Variants in ZBTB20 observed in about 807,000 individuals in gnomAD.
ZBTB20 encodes zinc finger and BTB domain containing 20.
In ZBTB20, 9 loss-of-function variants were observed where a neutral mutation model predicts 56.9. That is an observed-to-expected ratio of 0.16 (90% CI 0.10 to 0.28). The LOEUF (loss-of-function observed/expected upper bound fraction) is 0.28, where lower values mean the gene tolerates loss of function less well. Among genes scored for constraint, ZBTB20 ranks in the 10% least tolerant of loss-of-function variants. ZBTB20 has a pLI of 1.00. For synonymous variants in ZBTB20, 417 were observed against 420.7 expected (o/e 0.99, Z 0.11); for missense variants, 655 against 1,003.0 (o/e 0.65, Z 4.69).
chr3:114,986,197 A>T (rs1188893491), intron 2 of ZBTB20, among the ~76,000 whole-genome samples: 1 of 152,078 alleles, frequency 6.6e-6, no homozygotes, highest in African/African-American at 2.4e-5. Context: ...GGGAAAACTG[A>T]ACCCCTCAGG....
At chr3:115,114,113 A>G (rs2083955684) in intron 1 of ZBTB20, among the ~76,000 whole-genome samples, 1 of 152,210 alleles carries the variant, frequency 6.6e-6, no homozygotes, top group Admixed American at 6.5e-5. Context: ...TCTGTTTATC[A>G]ACAATTTTAA....
intron 2 of ZBTB20, among the ~76,000 whole-genome samples, chr3:115,032,130 A>C (rs1290921643): frequency 6.6e-6 from 1 of 150,630 alleles, no homozygotes; most frequent in Admixed American, 6.6e-5. Context: ...CTTTAAAAAT[A>C]TTTTTTTTTC....
intron 6 of ZBTB20, among the ~76,000 whole-genome samples, chr3:114,691,584 T>G (rs2062700821): frequency 6.6e-6 from 1 of 152,034 alleles, no homozygotes. Flanking sequence ...GCATTTAGGT[T>G]AAATGAGCTA....
intron 6 of ZBTB20, among the ~76,000 whole-genome samples, chr3:114,629,702 T>C (rs1470223449): frequency 1.3e-5 from 2 of 152,146 alleles, no homozygotes; most frequent in African/African-American, 4.8e-5. Flanking sequence ...CCAAAGAATA[T>C]AGATTATTTT....
chr3:114,878,359 T>G (rs890324622), intron 4 of ZBTB20, among the ~76,000 whole-genome samples: 7 of 152,114 alleles, frequency 4.6e-5, no homozygotes, highest in Admixed American at 6.6e-5. Context: ...TTAATAGATT[T>G]TATTGAGACT....
chr3:114,661,225 C>T (rs192808193), intron 6 of ZBTB20, among the ~76,000 whole-genome samples: 59 of 152,068 alleles, frequency 3.9e-4, no homozygotes, highest in Non-Finnish European at 7.5e-4. Context: ...ACGAAAATGA[C>T]CCTGCCTAGT....
intron 5 of ZBTB20, among the ~76,000 whole-genome samples, chr3:114,707,095 A>G (rs2063765641): frequency 6.6e-6 from 1 of 152,114 alleles, no homozygotes; most frequent in African/African-American, 2.4e-5. Context: ...ACACACACAG[A>G]TGTTCCACCA....
chr3:114,848,565 T>C (rs1481436725), intron 4 of ZBTB20, among the ~76,000 whole-genome samples: 4 of 152,204 alleles, frequency 2.6e-5, no homozygotes, highest in Non-Finnish European at 4.4e-5. Flanking sequence ...TGCTTAAATT[T>C]TGTCTGATCA....
intron 2 of ZBTB20, among the ~76,000 whole-genome samples, chr3:114,978,665 C>CA (rs2078204998): frequency 7.7e-6 from 1 of 129,550 alleles, no homozygotes; most frequent in South Asian, 2.8e-4. Context: ...CTGTATGTAC[C>CA]AGGTGTGTGT....
intron 4 of ZBTB20, among the ~76,000 whole-genome samples, chr3:114,858,814 C>A (rs868200578): frequency 3.3e-5 from 5 of 152,062 alleles, no homozygotes; most frequent in Admixed American, 6.6e-5. Context: ...TTGTATTTTC[C>A]ATTTTTTAGT....
intron 7 of ZBTB20, among the ~76,000 whole-genome samples, chr3:114,426,743 A>ACCAG (rs1023680940): frequency 2.0e-5 from 3 of 152,192 alleles, no homozygotes; most frequent in Non-Finnish European, 4.4e-5. Context: ...CAAGATGATT[A>ACCAG]CCAGCCAACT....
chr3:114,721,166 G>A (rs1359182837), intron 5 of ZBTB20, among the ~76,000 whole-genome samples: 1 of 152,176 alleles, frequency 6.6e-6, no homozygotes, highest in Non-Finnish European at 1.5e-5. Context: ...CTTGAATAAT[G>A]GGCTGAGTAG....
intron 7 of ZBTB20, among the ~76,000 whole-genome samples, chr3:114,431,399 T>A (rs1440318006): frequency 6.6e-6 from 1 of 152,174 alleles, no homozygotes; most frequent in East Asian, 1.9e-4. Context: ...CTACATTACG[T>A]ATAAAAACGA....
At chr3:114,757,450 A>G (rs2068087669) in intron 5 of ZBTB20, among the ~76,000 whole-genome samples, 2 of 152,192 alleles carry the variant, frequency 1.3e-5, no homozygotes, top group Non-Finnish European at 2.9e-5. Context: ...CTCTGGTTCA[A>G]TTTTTGAGTC....
At chr3:114,357,403 A>G (rs1036118122) in intron 10 of ZBTB20, among the ~76,000 whole-genome samples, 1 of 152,214 alleles carries the variant, frequency 6.6e-6, no homozygotes, top group Non-Finnish European at 1.5e-5. Context: ...CTAGACAAAG[A>G]TTAAAAATTA....
intron 1 of ZBTB20, among the ~76,000 whole-genome samples, chr3:115,131,544 A>C (rs1451714261): frequency 2.6e-5 from 4 of 152,192 alleles, no homozygotes; most frequent in Non-Finnish European, 4.4e-5. Context: ...CAGTTTTACC[A>C]CTACAATAAA....
chr3:114,969,426 T>G (rs2077780876), intron 3 of ZBTB20, among the ~76,000 whole-genome samples: 1 of 152,120 alleles, frequency 6.6e-6, no homozygotes, highest in Admixed American at 6.5e-5. Flanking sequence ...AGTACACAAT[T>G]ATACAATAAA....
At chr3:114,830,522 C>T (rs1194204473) in intron 4 of ZBTB20, among the ~76,000 whole-genome samples, 1 of 151,606 alleles carries the variant, frequency 6.6e-6, no homozygotes, top group Non-Finnish European at 1.5e-5. Context: ...TCTCTCACTC[C>T]TGAAAAATTT....
At chr3:115,063,340 T>C (rs1020530505) in intron 2 of ZBTB20, among the ~76,000 whole-genome samples, 2 of 152,188 alleles carry the variant, frequency 1.3e-5, no homozygotes, top group Non-Finnish European at 2.9e-5. Context: ...AGTCTGAGAT[T>C]AGAATGCCAG....
Sources: gnomAD v4.1 joint callset for allele counts (sites outside exome capture counted in the v4.1 genomes callset) on GRCh38, gnomAD v4.1.1 for gene constraint, MANE v1.5 for transcripts, NCBI Gene and HGNC (gene_info 2026-07-23, HGNC 2026-07-21) for gene names.